The following PCDHA5 variants were observed in gnomAD, a reference collection of about 807,000 sequenced individuals.
PCDHA5 encodes protocadherin alpha 5, also known as protocadherin alpha-5.
Under a neutral mutation model 61.6 loss-of-function variants are expected in PCDHA5, and 43 were observed. The ratio of observed to expected loss-of-function variants is 0.70; its 90% CI spans 0.55 to 0.90. PCDHA5 has a LOEUF of 0.90. Among genes scored for constraint, PCDHA5 ranks in the 40% least tolerant of loss-of-function variants. The pLI, the probability that PCDHA5 is intolerant of heterozygous loss-of-function variation, is 0.00. For missense variants in PCDHA5, 1,298 were observed against 1,222.7 expected (o/e 1.06, Z -0.92); for synonymous variants, 627 against 543.9 (o/e 1.15, Z -2.13).
intron 1 of PCDHA5, chr5:140,862,660 G>T: frequency 1.8e-6 from 1 of 546,542 alleles, no homozygotes; most frequent in Non-Finnish European, 3.7e-6. Flanking sequence ...GCGGGACCGG[G>T]ACGCGCAGGA....
intron 1 of PCDHA5, among the ~76,000 whole-genome samples, chr5:140,971,300 A>T (rs555201828): frequency 2.0e-5 from 3 of 152,380 alleles, no homozygotes; most frequent in African/African-American, 7.2e-5. Flanking sequence ...ACTTTGGTAC[A>T]CAAACATTTA....
rs1554164701 is a variant in PCDHA5 at position 140,870,777 on chromosome 5, C to T, written c.2352+46650C>T. The T allele has an allele frequency of 3.1e-6, 5 of 1,613,610 alleles. No individual in the cohort carries two copies. In the African/African-American group the frequency reaches 4.0e-5, roughly 13 times the overall value. On this transcript the variant is annotated intron_variant, in intron 1 of 3. Coordinates refer to ENST00000529859, the MANE Select transcript of PCDHA5 (RefSeq NM_018908.3). Reference sequence around the variant, plus strand: ...TGCAGGTGTTCGTGCTGGACGAGAACGACAACGCGCCGGCACTGCTGGCGA... The same window carrying T: ...TGCAGGTGTTCGTGCTGGACGAGAATGACAACGCGCCGGCACTGCTGGCGA...
chr5:141,008,526 G>A (rs2153997518), intron 3 of PCDHA5, among the ~76,000 whole-genome samples: 1 of 152,126 alleles, frequency 6.6e-6, no homozygotes, highest in Non-Finnish European at 1.5e-5. Flanking sequence ...TCAGACTCTT[G>A]GGAATGTCTT....
In PCDHA5 at chr5:140,849,582, G is replaced by T. The variant is rs2150441329; in HGVS notation, c.2352+25455G>T. 1.0e-5 allele frequency: 16 copies of T among 1,598,576 alleles called. 1 individual carries two copies. Among genetic ancestry groups the T allele is most frequent in the African/African-American group, 1.3e-5 (1 of 74,328 alleles). On this transcript the variant is annotated intron_variant, in intron 1 of 3. Transcript: ENST00000529859. ...GCTCTCGGTTCCTGTAAAAGAGGAC[G>T]CACAACTGGGGACAGTTATTGCCCT...
intron 1 of PCDHA5, chr5:140,835,618 C>G: frequency 6.2e-7 from 1 of 1,613,946 alleles, no homozygotes; most frequent in Non-Finnish European, 8.5e-7. Flanking sequence ...CTGGACAGCG[C>G]TCTGGACCGC....
rs782133260 is a variant in PCDHA5 at position 140,856,504 on chromosome 5, A to G, written c.2352+32377A>G. 3.8e-6 allele frequency: 6 copies of G among 1,598,348 alleles called. 1 individual carries two copies. The highest frequency in any genetic ancestry group is 8.6e-7 in the Non-Finnish European group (1 of 1,167,852). ...CCAGACTGCTTGACTCTCGATTTCC[A>G]CTAGAAGGCGCATCTGATGCGGATG... On this transcript the variant is annotated intron_variant, in intron 1 of 3. Transcript: ENST00000529859.
chr5:140,958,724 A>G (rs1563299236), intron 1 of PCDHA5, among the ~76,000 whole-genome samples: 1 of 152,188 alleles, frequency 6.6e-6, no homozygotes, highest in Admixed American at 6.5e-5. Context: ...TAAATGTAAC[A>G]CTGAATGGGA....
chr5:140,966,837 T>C, intron 1 of PCDHA5: 1 of 1,566,152 alleles, frequency 6.4e-7, no homozygotes. Context: ...CCCTGGCTGC[T>C]GCTACTGCCT....
intron 1 of PCDHA5, chr5:140,875,915 T>C: frequency 6.2e-7 from 1 of 1,614,214 alleles, no homozygotes; most frequent in Non-Finnish European, 8.5e-7. Context: ...TCTGCGCCTC[T>C]GGACTCTCAT....
Position 140,850,161 on chromosome 5 carries a change from C to T in PCDHA5, c.2352+26034C>T, listed in dbSNP as rs2150470387. On this transcript the variant is annotated intron_variant, in intron 1 of 3. Coordinates refer to ENST00000529859, the MANE Select transcript of PCDHA5 (RefSeq NM_018908.3). ...CAACGTGACGCTGCAGGTGTTCGTG[C>T]TGGACGAGAACGACAATGCGCCGGC... 20 of 1,594,886 alleles carry T rather than the reference C, an allele frequency of 1.3e-5. 1 individual carries two copies. Among genetic ancestry groups the T allele is most frequent in the Non-Finnish European group, 1.7e-5 (20 of 1,167,810 alleles).
intron 1 of PCDHA5, among the ~76,000 whole-genome samples, chr5:140,944,623 T>C (rs535315515): frequency 6.6e-6 from 1 of 152,320 alleles, no homozygotes; most frequent in East Asian, 1.9e-4. Flanking sequence ...AGAAGTATAG[T>C]GTTGTAAGCC....
intron 1 of PCDHA5, among the ~76,000 whole-genome samples, chr5:140,901,330 C>T (rs576918477): frequency 6.6e-6 from 1 of 152,108 alleles, no homozygotes; most frequent in African/African-American, 2.4e-5. Flanking sequence ...TTCTTGTAGT[C>T]GTTTTATAGT....
At position 140,897,620 on chromosome 5, in the gene PCDHA5, A is replaced by G. The variant is rs1317464980; in HGVS notation, c.2352+73493A>G. On this transcript the variant is annotated intron_variant, in intron 1 of 3. Coordinates refer to ENST00000529859, the MANE Select transcript of PCDHA5 (RefSeq NM_018908.3). Reference sequence around the variant, plus strand: ...ACATTTGGGTTGGTTCCAAGTCTTTACTATTGTGTATAGTGCCACAATAAA... The same window carrying G: ...ACATTTGGGTTGGTTCCAAGTCTTTGCTATTGTGTATAGTGCCACAATAAA... Among the ~76,000 whole-genome samples, 1,214 of 152,126 alleles carry G rather than the reference A, an allele frequency of 8.0e-3. 6 individuals are homozygous for G. The highest frequency in any genetic ancestry group is 0.019 in the African/African-American group (783 of 41,492).
rs2150233452 is a variant in PCDHA5 at position 140,835,299 on chromosome 5, G to A, written c.2352+11172G>A. 44 of 1,612,788 alleles carry A rather than the reference G, an allele frequency of 2.7e-5. No homozygotes were observed. The East Asian group carries it at 6.0e-4, about 22-fold the overall frequency. On this transcript the variant is annotated intron_variant, in intron 1 of 3. Transcript: ENST00000529859. ...CTTAAGTGGGGCAATCACAGTGATA[G>A]GACATATGGATTTTGAAGAAAGTAG...
At chr5:140,842,856 C>A (rs2150346481) in intron 1 of PCDHA5, 3 of 1,593,922 alleles carry the variant, frequency 1.9e-6, no homozygotes, top group South Asian at 2.2e-5. Flanking sequence ...TCGGTGCACA[C>A]GGAGAGCGGC....
In PCDHA5 at chr5:140,872,829, G is replaced by GA. The variant is rs1562676145; in HGVS notation, c.2352+48708dup. ...AAGTTTTTCAGATTCATCTAGCAGA[G>GA]AAAAAATTAAATATATTAATGTGAG... is the stretch of plus-strand genomic sequence containing the variant. On this transcript the variant is annotated intron_variant, in intron 1 of 3. Transcript: ENST00000529859. Among the ~76,000 whole-genome samples, 5 of 152,156 alleles carry GA rather than the reference G, an allele frequency of 3.3e-5. No homozygotes were observed. The South Asian group carries it at 8.3e-4, about 25-fold the overall frequency.
At chr5:140,999,526 C>G (rs1429753507) in intron 3 of PCDHA5, among the ~76,000 whole-genome samples, 1 of 152,026 alleles carries the variant, frequency 6.6e-6, no homozygotes, top group Non-Finnish European at 1.5e-5. Context: ...TTTGTTACCC[C>G]CTGGATATGA....
At chr5:140,860,361 A>G (rs2046358077) in intron 1 of PCDHA5, 2 of 152,182 alleles carry the variant, frequency 1.3e-5, no homozygotes, top group African/African-American at 4.8e-5. Flanking sequence ...AGCCTGGATG[A>G]CAAAGTGAGA....
intron 1 of PCDHA5, chr5:140,830,414 A>G: frequency 6.2e-7 from 1 of 1,614,162 alleles, no homozygotes; most frequent in Non-Finnish European, 8.5e-7. Flanking sequence ...CTTTAGCCCC[A>G]GCCTTTCACC....
Sources: gnomAD v4.1 joint callset for allele counts (sites outside exome capture counted in the v4.1 genomes callset) on GRCh38, gnomAD v4.1.1 for gene constraint, MANE v1.5 for transcripts, NCBI Gene and HGNC (gene_info 2026-07-23, HGNC 2026-07-21) for gene names.